MYO7B: variants seen among roughly 807,000 people sequenced by gnomAD.
MYO7B encodes the protein myosin VIIB.
In MYO7B, 212 loss-of-function variants were observed where a neutral mutation model predicts 259.7. That is an observed-to-expected ratio of 0.82 (90% CI 0.73 to 0.91). The LOEUF (loss-of-function observed/expected upper bound fraction) is 0.91, where lower values mean the gene tolerates loss of function less well. MYO7B is among the 40% of genes least tolerant of loss of function. The probability of loss-of-function intolerance (pLI) is 0.00; values close to 1 mark genes in which losing one functional copy is unlikely to be tolerated. For synonymous variants in MYO7B, 1,197 were observed against 1,166.4 expected (o/e 1.03, Z -0.54); for missense variants, 2,732 against 2,813.5 (o/e 0.97, Z 0.66).
Position 127,623,518 on chromosome 2 carries a change from C to G in MYO7B, c.3819+143C>G, listed in dbSNP as rs902927751. The G allele has an allele frequency of 1.6e-5, 14 of 868,864 alleles. No individual in the cohort carries two copies. The African/African-American group carries it at 2.2e-4, about 14-fold the overall frequency. 53.8% of individuals were successfully genotyped at this position (868,864 alleles called of 1,614,324 possible). ...GGCACAGCACTGCTTACCCTCCCAG[C>G]CACCAGGCACAGGCAGGTGCACACA... On this transcript the variant is annotated intron_variant, in intron 29 of 47. Transcript: ENST00000409816.
intron 1 of MYO7B, among the ~76,000 whole-genome samples, chr2:127,557,390 C>A (rs753797102): frequency 2.0e-5 from 3 of 151,980 alleles, no homozygotes; most frequent in Non-Finnish European, 2.9e-5. Context: ...CTTCTGAATT[C>A]TTTTTCAAGT....
rs1175267114 is a variant in MYO7B, at chr2:127,592,646, T to C, written c.1993-148T>C. 8 of 964,994 alleles carry C rather than the reference T, an allele frequency of 8.3e-6. No individual in the cohort carries two copies. The Admixed American group carries it at 1.1e-4, about 13-fold the overall frequency. The allele number at this position is 964,994 out of a possible 1,614,324, so 59.8% of individuals were successfully genotyped here. A position where few individuals can be genotyped will look rare whatever the true frequency, so the allele number is the denominator to read the frequency against. On this transcript the variant is annotated intron_variant, in intron 16 of 47. Coordinates refer to ENST00000409816, the MANE Select transcript of MYO7B (RefSeq NM_001393586.1). ...AAGTCGCATTTGTTTAGTTCTTCCA[T>C]CTCTGGAGGACAGTGGGGGTGGGCG... is the stretch of plus-strand genomic sequence containing the variant.
intron 1 of MYO7B, among the ~76,000 whole-genome samples, chr2:127,538,354 C>G (rs956881698): frequency 6.6e-6 from 1 of 152,130 alleles, no homozygotes; most frequent in Non-Finnish European, 1.5e-5. Flanking sequence ...CCACTAGCCA[C>G]AAGTGGCTGT....
At position 127,634,156 on chromosome 2, in the gene MYO7B, C is replaced by T. The variant is rs201364313; in HGVS notation, c.5512-20C>T. 4.0e-5 allele frequency: 63 copies of T among 1,579,648 alleles called. 1 individual carries two copies. In the Admixed American group the frequency reaches 1.1e-3, roughly 29 times the overall value. On this transcript the variant is annotated intron_variant, in intron 40 of 47. Transcript: ENST00000409816. ...GCCCCTAGCCAGGCCCCGGGCCTCACCAGCTGCCTCTCTGTCCAGATGCTG... is the reference window on the plus strand; with the variant it reads ...GCCCCTAGCCAGGCCCCGGGCCTCATCAGCTGCCTCTCTGTCCAGATGCTG...
rs939345594 is a variant in MYO7B, at chr2:127,627,403, C to T, written c.4460+93C>T. ...AGAGATGGGGAGAGGGGCAGTGTGC[C>T]GTCCCGGGTAACAGGCCGGGGTGGA... On this transcript the variant is annotated intron_variant, in intron 33 of 47. Transcript: ENST00000409816. This position sits in a 1 kb window ranked among gnomAD's most constrained non-coding sequence, Gnocchi z 5.6. The T allele has an allele frequency of 2.4e-5, 36 of 1,526,112 alleles. No individual in the cohort carries two copies. The South Asian group carries it at 2.7e-4, about 12-fold the overall frequency. The allele number at this position is 1,526,112 out of a possible 1,614,324, so 94.5% of individuals were successfully genotyped here.
intron 30 of MYO7B, 62 bp downstream of exon 30, chr2:127,624,382 A>C (rs1681002752): frequency 4.1e-6 from 6 of 1,470,452 alleles, no homozygotes; most frequent in Non-Finnish European, 5.5e-6. Flanking sequence ...CCCATAGAGG[A>C]GGCACCCAAC....
At chr2:127,608,911 G>C (rs201131495) in intron 22 of MYO7B, 33 bp downstream of exon 22, 2 of 1,593,790 alleles carry the variant, frequency 1.3e-6, no homozygotes, top group Non-Finnish European at 1.7e-6. Flanking sequence ...AATCCGCCCC[G>C]GGTGGGGACA....
chr2:127,583,975 G>A (rs542639149), intron 12 of MYO7B, 147 bp from the exon 13 acceptor site: 2 of 689,262 alleles, frequency 2.9e-6, no homozygotes, highest in African/African-American at 1.8e-5. Flanking sequence ...GAATGAGTGT[G>A]CATCTCTGTG....
chr2:127,634,025 G>A (rs978766506), intron 40 of MYO7B, 151 bp from the exon 41 acceptor site: 2 of 623,768 alleles, frequency 3.2e-6, no homozygotes, highest in Non-Finnish European at 5.6e-6. Flanking sequence ...CTCTGGCCAG[G>A]GTTCTGGAAG....
At position 127,609,133 on chromosome 2, in the gene MYO7B, A is replaced by G. The variant is rs781735373; in HGVS notation, c.2814+255A>G. Among the ~76,000 whole-genome samples, 1 of 152,098 alleles carries G rather than the reference A, an allele frequency of 6.6e-6. No homozygotes were observed. The highest frequency in any genetic ancestry group is 6.5e-5 in the Admixed American group (1 of 15,272). On this transcript the variant is annotated intron_variant, in intron 22 of 47. Transcript: ENST00000409816. The surrounding 1 kb of genome is among the most constrained non-coding windows in gnomAD (Gnocchi z 6.9). ...CCAATGCTGCCGGGCTCTCCATCAC[A>G]TGGCATTCCCCGCGTATATTTGACC...
At chr2:127,589,500 G>A (rs1237182004) in intron 15 of MYO7B, among the ~76,000 whole-genome samples, 1 of 150,600 alleles carries the variant, frequency 6.6e-6, no homozygotes, top group Non-Finnish European at 1.5e-5. Flanking sequence ...TGGGGGCCAC[G>A]CCTGGGTAGA....
chr2:127,558,157 A>C (rs1677905215), intron 1 of MYO7B, among the ~76,000 whole-genome samples: 1 of 152,136 alleles, frequency 6.6e-6, no homozygotes, highest in Non-Finnish European at 1.5e-5. Flanking sequence ...AAGAAAAAAA[A>C]CCAAACAATC....
intron 2 of MYO7B, among the ~76,000 whole-genome samples, chr2:127,562,228 T>C (rs1281985104): frequency 1.3e-5 from 2 of 152,188 alleles, no homozygotes; most frequent in Admixed American, 6.5e-5. Flanking sequence ...TCAGTCCATA[T>C]AATGAGGTTT....
intron 34 of MYO7B, among the ~76,000 whole-genome samples, chr2:127,629,360 A>C (rs1041692176): frequency 4.6e-5 from 7 of 152,124 alleles, no homozygotes; most frequent in African/African-American, 1.7e-4. Flanking sequence ...CCCCTCCCTC[A>C]TCCCTGGCTC....
chr2:127,633,448 T>C (rs973615486), intron 40 of MYO7B, 85 bp downstream of exon 40: 3 of 1,366,562 alleles, frequency 2.2e-6, no homozygotes, highest in African/African-American at 2.9e-5. Flanking sequence ...GCCTGCTCCT[T>C]GGTAACCCCA....
At position 127,584,498 on chromosome 2, in the gene MYO7B, A is replaced by C. The variant is rs1373232292; in HGVS notation, c.1554+166A>C. Among the ~76,000 whole-genome samples, 1 of 152,092 alleles carries C rather than the reference A, an allele frequency of 6.6e-6. No individual in the cohort carries two copies. Among genetic ancestry groups the C allele is most frequent in the Admixed American group, 6.6e-5 (1 of 15,260 alleles). On this transcript the variant is annotated intron_variant, in intron 13 of 47. Coordinates refer to ENST00000409816, the MANE Select transcript of MYO7B (RefSeq NM_001393586.1). The surrounding 1 kb of genome is among the most constrained non-coding windows in gnomAD (Gnocchi z 5.8). ...TCTAACCAGACAGACCCTCCTCTCC[A>C]AGGCCCACTTCTCTGACTGCTGGGG...
At chr2:127,566,947 A>C in intron 5 of MYO7B, 120 bp downstream of exon 5, 9 of 1,029,000 alleles carry the variant, frequency 8.7e-6, no homozygotes, top group Middle Eastern at 2.4e-4. Context: ...ACCCATCTCC[A>C]CAGCACACAA....
intron 1 of MYO7B, among the ~76,000 whole-genome samples, chr2:127,557,319 G>T (rs1467280990): frequency 6.6e-6 from 1 of 151,812 alleles, no homozygotes. Flanking sequence ...TCATTTTTTT[G>T]ATTTTCTTAA....
intron 28 of MYO7B, 100 bp downstream of exon 28, chr2:127,622,201 T>TC: frequency 1.4e-6 from 2 of 1,413,544 alleles, no homozygotes; most frequent in Non-Finnish European, 1.9e-6. Context: ...GGACAGAACT[T>TC]TGTCCTCTGA....
Sources: gnomAD v4.1 joint callset for allele counts (sites outside exome capture counted in the v4.1 genomes callset) on GRCh38, gnomAD v4.1.1 for gene constraint, Gnocchi (gnomAD v3.1) non-coding constraint, MANE v1.5 for transcripts, NCBI Gene and HGNC (gene_info 2026-07-23, HGNC 2026-07-21) for gene names.